The following C12orf54 variants were observed in gnomAD, a reference collection of about 807,000 sequenced individuals.
The protein encoded by C12orf54 is chromosome 12 open reading frame 54, also known as uncharacterized protein C12orf54.
In C12orf54, 24 loss-of-function variants were observed where a neutral mutation model predicts 26.4. That is an observed-to-expected ratio of 0.91 (90% CI 0.66 to 1.28). The LOEUF is 1.28. C12orf54 is among the 50% of genes most tolerant of loss of function. The probability of loss-of-function intolerance (pLI) is 0.00; values close to 1 mark genes in which losing one functional copy is unlikely to be tolerated. For synonymous variants in C12orf54, 54 were observed against 47.0 expected (o/e 1.15, Z -0.61); for missense variants, 154 against 150.9 (o/e 1.02, Z -0.11).
chr12:48,456,728 T>C, the C12orf54 span, among the ~76,000 whole-genome samples: 1 of 152,200 alleles, frequency 6.6e-6, no homozygotes, highest in African/African-American at 2.4e-5. Context: ...GCTGTGTTAT[T>C]ATTAATATAT....
At chr12:48,440,206 C>T in the C12orf54 span, among the ~76,000 whole-genome samples, 3 of 150,268 alleles carry the variant, frequency 2.0e-5, no homozygotes, top group Admixed American at 6.6e-5. Flanking sequence ...GCCTGGGTGA[C>T]AGAGTGAGAC....
At chr12:48,415,404 A>G in the C12orf54 span, among the ~76,000 whole-genome samples, 1 of 152,172 alleles carries the variant, frequency 6.6e-6, no homozygotes, top group African/African-American at 2.4e-5. Flanking sequence ...AACTTCTCTC[A>G]TCAATATTGC....
the C12orf54 span, among the ~76,000 whole-genome samples, chr12:48,472,353 G>A: frequency 6.6e-6 from 1 of 152,118 alleles, no homozygotes; most frequent in African/African-American, 2.4e-5. Flanking sequence ...TATATACTAT[G>A]GCGTGGCCTA....
At chr12:48,455,895 TA>T in the C12orf54 span, among the ~76,000 whole-genome samples, 3 of 152,234 alleles carry the variant, frequency 2.0e-5, no homozygotes, top group Non-Finnish European at 4.4e-5. Flanking sequence ...CTAACAATCA[TA>T]GTAACTACTC....
upstream of C12orf54, among the ~76,000 whole-genome samples, chr12:48,479,723 T>C (rs1006299168): frequency 6.6e-6 from 1 of 152,020 alleles, no homozygotes; most frequent in African/African-American, 2.4e-5. Flanking sequence ...TGTGTCCCTC[T>C]CTGGTTGCTT....
chr12:48,480,689 A>AC (rs1954189399), upstream of C12orf54, among the ~76,000 whole-genome samples: 1 of 152,174 alleles, frequency 6.6e-6, no homozygotes, highest in Non-Finnish European at 1.5e-5. Flanking sequence ...CATTTGACCC[A>AC]TCAATCTCAT....
At chr12:48,492,835 G>T (rs1937820751) in intron 6 of C12orf54, 112 bp from the exon 7 acceptor site, 1 of 949,078 alleles carries the variant, frequency 1.1e-6, no homozygotes, top group Non-Finnish European at 1.7e-6. Flanking sequence ...GTCCCTTCAA[G>T]TCTGGACCCT....
At position 48,488,784 on chromosome 12, in the gene C12orf54, C is replaced by T. The variant is rs1050122309; in HGVS notation, c.136-140C>T. 10 of 714,030 alleles carry T rather than the reference C, an allele frequency of 1.4e-5. No individual in the cohort carries two copies. In the African/African-American group the frequency reaches 1.6e-4, roughly 12 times the overall value. The allele number at this position is 714,030 out of a possible 1,614,324, so 44.2% of individuals were successfully genotyped here. A position where few individuals can be genotyped will look rare whatever the true frequency, so the allele number is the denominator to read the frequency against. Reference sequence around the variant, plus strand: ...CAATGAGGATTTATTGCTAGCGCTACAAAGCCACAGTCTCTTGGCATTCAC... The same window carrying T: ...CAATGAGGATTTATTGCTAGCGCTATAAAGCCACAGTCTCTTGGCATTCAC... On this transcript the variant is annotated intron_variant, in intron 4 of 8. Transcript: ENST00000548364.
chr12:48,483,473 G>A (rs1954222749), intron 2 of C12orf54, 112 bp downstream of exon 2: 2 of 915,534 alleles, frequency 2.2e-6, no homozygotes, highest in Non-Finnish European at 3.3e-6. Flanking sequence ...CTTGCTTCCT[G>A]GCTGAATAAG....
chr12:48,471,597 A>G, the C12orf54 span, among the ~76,000 whole-genome samples: 1 of 152,150 alleles, frequency 6.6e-6, no homozygotes, highest in African/African-American at 2.4e-5. Context: ...TATTGAAAAG[A>G]AAGTCCTTTC....
At chr12:48,474,873 CCTGT>C in the C12orf54 span, among the ~76,000 whole-genome samples, 13 of 152,204 alleles carry the variant, frequency 8.5e-5, no homozygotes, top group Non-Finnish European at 1.3e-4. Context: ...CTTAAATTTC[CCTGT>C]CTGACAGCTT....
chr12:48,463,930 C>A, the C12orf54 span, among the ~76,000 whole-genome samples: 3 of 151,940 alleles, frequency 2.0e-5, no homozygotes, highest in Admixed American at 2.0e-4. Context: ...AAGGAACATA[C>A]CTCAAAATAA....
chr12:48,457,955 C>T, the C12orf54 span, among the ~76,000 whole-genome samples: 9 of 152,170 alleles, frequency 5.9e-5, no homozygotes, highest in Non-Finnish European at 1.3e-4. Context: ...CCTCCTCTGA[C>T]AGATCACAGA....
chr12:48,465,459 TTGG>T, the C12orf54 span, among the ~76,000 whole-genome samples: 1 of 152,198 alleles, frequency 6.6e-6, no homozygotes, highest in Non-Finnish European at 1.5e-5. Context: ...TTATTCACTA[TTGG>T]TGGGAGTGTA....
chr12:48,470,133 C>A, the C12orf54 span, among the ~76,000 whole-genome samples: 1 of 152,144 alleles, frequency 6.6e-6, no homozygotes, highest in African/African-American at 2.4e-5. Context: ...CTTTACTACT[C>A]TGAATAGTGC....
the C12orf54 span, among the ~76,000 whole-genome samples, chr12:48,426,917 G>C: frequency 6.6e-6 from 1 of 151,994 alleles, no homozygotes; most frequent in Non-Finnish European, 1.5e-5. Flanking sequence ...AAGAATTTTT[G>C]TACACTGATT....
the C12orf54 span, among the ~76,000 whole-genome samples, chr12:48,421,612 C>T: frequency 6.7e-6 from 1 of 148,386 alleles, no homozygotes; most frequent in Non-Finnish European, 1.5e-5. Context: ...TCACTGCAAC[C>T]TCCACCTCCC....
At chr12:48,418,497 A>G in the C12orf54 span, among the ~76,000 whole-genome samples, 3 of 152,210 alleles carry the variant, frequency 2.0e-5, no homozygotes, top group African/African-American at 7.2e-5. Flanking sequence ...GGAAGAGATG[A>G]CTTAACAAGT....
chr12:48,475,232 C>T, the C12orf54 span, among the ~76,000 whole-genome samples: 1 of 152,002 alleles, frequency 6.6e-6, no homozygotes. Context: ...ACATCCATAC[C>T]AAAAACCCAT....
Sources: allele counts gnomAD v4.1 joint callset (sites outside exome capture counted in the v4.1 genomes callset), GRCh38; gene constraint gnomAD v4.1.1; transcripts MANE v1.5; gene names NCBI Gene and HGNC (gene_info 2026-07-23, HGNC 2026-07-21).